DOCK4: variants seen among roughly 807,000 people sequenced by gnomAD.
DOCK4 encodes the protein dedicator of cytokinesis 4.
DOCK4 carries 97 observed loss-of-function variants against 268.1 expected under a neutral mutation model. The observed-to-expected ratio is 0.36, with a 90% CI of 0.31 to 0.43. The LOEUF (loss-of-function observed/expected upper bound fraction) is 0.43, where lower values mean the gene tolerates loss of function less well. Ranked by LOEUF, DOCK4 falls within the 20% of genes least tolerant of loss-of-function variation. The pLI, the probability that DOCK4 is intolerant of heterozygous loss-of-function variation, is 1.00. For synonymous variants in DOCK4, 954 were observed against 887.2 expected (o/e 1.08, Z -1.34); for missense variants, 2,145 against 2,455.7 (o/e 0.87, Z 2.67).
intron 26 of DOCK4, among the ~76,000 whole-genome samples, chr7:111,832,769 C>T (rs923706895): frequency 6.6e-6 from 1 of 152,224 alleles, no homozygotes; most frequent in South Asian, 2.1e-4. Flanking sequence ...ATCCACCCAC[C>T]TCGGCCTCCC....
intron 1 of DOCK4, among the ~76,000 whole-genome samples, chr7:112,049,375 TTAAA>T (rs1454495132): frequency 1.3e-5 from 2 of 151,834 alleles, no homozygotes; most frequent in African/African-American, 2.4e-5. Flanking sequence ...TAAGTAATCA[TTAAA>T]TAAAAGAGAC....
At chr7:111,982,090 C>A (rs1798654920) in intron 7 of DOCK4, among the ~76,000 whole-genome samples, 1 of 152,188 alleles carries the variant, frequency 6.6e-6, no homozygotes, top group South Asian at 2.1e-4. Flanking sequence ...TTGTGCGGAA[C>A]TTCCAGGAAG....
At chr7:112,146,249 T>A (rs1042362683) in intron 1 of DOCK4, among the ~76,000 whole-genome samples, 5 of 152,152 alleles carry the variant, frequency 3.3e-5, no homozygotes, top group Admixed American at 6.5e-5. Flanking sequence ...GGGAGGAGTT[T>A]CAAAGTCTCC....
chr7:111,775,172 G>T (rs1374606977), intron 36 of DOCK4, among the ~76,000 whole-genome samples: 1 of 152,206 alleles, frequency 6.6e-6, no homozygotes, highest in East Asian at 1.9e-4. Flanking sequence ...ATACATCAGG[G>T]TCTTCTGACT....
intron 1 of DOCK4, among the ~76,000 whole-genome samples, chr7:112,149,592 C>G (rs919896647): frequency 6.6e-6 from 1 of 150,626 alleles, no homozygotes; most frequent in Non-Finnish European, 1.5e-5. Flanking sequence ...AGAAGACTAT[C>G]AAAGAAGAGA....
At chr7:111,920,066 A>C (rs1469252560) in intron 12 of DOCK4, among the ~76,000 whole-genome samples, 2 of 152,170 alleles carry the variant, frequency 1.3e-5, no homozygotes, top group African/African-American at 4.8e-5. Context: ...ATTCCTTCTA[A>C]AAACGTTGAA....
chr7:111,744,708 A>G (rs1245146286), intron 44 of DOCK4, among the ~76,000 whole-genome samples: 1 of 152,250 alleles, frequency 6.6e-6, no homozygotes, highest in African/African-American at 2.4e-5. Flanking sequence ...AAGTCATTGC[A>G]TAATCCTAAG....
At chr7:111,859,847 G>A (rs944637773) in intron 23 of DOCK4, among the ~76,000 whole-genome samples, 17 of 152,186 alleles carry the variant, frequency 1.1e-4, no homozygotes, top group Non-Finnish European at 1.9e-4. Context: ...GATTACAGGC[G>A]TGAGCCACCG....
At chr7:111,762,753 T>A (rs1400684895) in intron 39 of DOCK4, among the ~76,000 whole-genome samples, 2 of 122,442 alleles carry the variant, frequency 1.6e-5, no homozygotes, top group African/African-American at 6.4e-5. Context: ...ACCCATTTTG[T>A]TTTGTTTTCT....
chr7:112,084,642 T>C (rs1361689211), intron 1 of DOCK4, among the ~76,000 whole-genome samples: 1 of 152,074 alleles, frequency 6.6e-6, no homozygotes, highest in Non-Finnish European at 1.5e-5. Flanking sequence ...TTCCCACAAA[T>C]AGAGCAATGC....
chr7:111,873,686 C>T (rs557100882), intron 17 of DOCK4, among the ~76,000 whole-genome samples: 1 of 152,236 alleles, frequency 6.6e-6, no homozygotes, highest in South Asian at 2.1e-4. Flanking sequence ...ATATAGAGAA[C>T]ACCAGTGAGA....
chr7:111,985,395 C>T (rs138520505), intron 6 of DOCK4, among the ~76,000 whole-genome samples: 1 of 152,312 alleles, frequency 6.6e-6, no homozygotes, highest in African/African-American at 2.4e-5. Flanking sequence ...ATCCTTTTCA[C>T]ATCACCACTC....
chr7:111,953,620 C>T (rs1796230826), intron 8 of DOCK4: 2 of 152,250 alleles, frequency 1.3e-5, no homozygotes, highest in South Asian at 4.1e-4. Flanking sequence ...TGCCTTCCCT[C>T]TAATTGCCTA....
At chr7:112,203,324 A>G (rs919172946) in intron 1 of DOCK4, among the ~76,000 whole-genome samples, 2 of 152,212 alleles carry the variant, frequency 1.3e-5, no homozygotes, top group African/African-American at 2.4e-5. Flanking sequence ...CAGAACACTT[A>G]TGACTGACTT....
chr7:111,932,562 T>C (rs1278276192), intron 12 of DOCK4, among the ~76,000 whole-genome samples: 1 of 152,020 alleles, frequency 6.6e-6, no homozygotes, highest in South Asian at 2.1e-4. Context: ...CTCAGAAGTA[T>C]AATGTGAATC....
chr7:111,849,766 G>C (rs1804400228), intron 23 of DOCK4, among the ~76,000 whole-genome samples: 1 of 152,168 alleles, frequency 6.6e-6, no homozygotes, highest in Non-Finnish European at 1.5e-5. Flanking sequence ...TTCAGTATCT[G>C]AGATGGTTTC....
Position 112,165,601 on chromosome 7 carries a change from A to C in DOCK4, c.37+40501T>G, listed in dbSNP as rs575212478. 1.2e-4 allele frequency among the ~76,000 whole-genome samples: 18 copies of C among 150,852 alleles called. 1 individual carries two copies. In the South Asian group the frequency reaches 3.8e-3, roughly 32 times the overall value. ...CCCATTTCTTTGGACACTTAGGGTC[A>C]ATCCATGTTTTACATATTTATTTCC... is the stretch of plus-strand genomic sequence containing the variant. On this transcript the variant is annotated intron_variant, in intron 1 of 52. Transcript: ENST00000428084.
chr7:112,157,014 A>G (rs1259036504), intron 1 of DOCK4, among the ~76,000 whole-genome samples: 1 of 152,158 alleles, frequency 6.6e-6, no homozygotes, highest in East Asian at 1.9e-4. Context: ...TTTTAATGTT[A>G]TCTTCATTAG....
At chr7:111,806,667 G>T (rs1800701212) in intron 30 of DOCK4, among the ~76,000 whole-genome samples, 1 of 152,138 alleles carries the variant, frequency 6.6e-6, no homozygotes, top group East Asian at 1.9e-4. Flanking sequence ...TCAGTTTTTA[G>T]CTAAGTACAT....
Sources: allele counts gnomAD v4.1 joint callset (sites outside exome capture counted in the v4.1 genomes callset), GRCh38; gene constraint gnomAD v4.1.1; transcripts MANE v1.5; gene names NCBI Gene and HGNC (gene_info 2026-07-23, HGNC 2026-07-21).